TYW1: variants seen among roughly 807,000 people sequenced by gnomAD.
The protein encoded by TYW1 is S-adenosyl-L-methionine-dependent tRNA 4-demethylwyosine synthase TYW1.
In TYW1, 46 loss-of-function variants were observed where a neutral mutation model predicts 96.2. That is an observed-to-expected ratio of 0.48 (90% CI 0.38 to 0.61). The LOEUF is 0.61. Ranked by LOEUF, TYW1 falls within the 20% of genes least tolerant of loss-of-function variation. The probability of loss-of-function intolerance (pLI) is 0.00; values close to 1 mark genes in which losing one functional copy is unlikely to be tolerated. For synonymous variants in TYW1, 274 were observed against 323.0 expected, an observed-to-expected ratio of 0.85 and a Z score of 1.63; for missense variants, 684 against 909.6, an observed-to-expected ratio of 0.75 and a Z score of 3.19.
intron 8 of TYW1, among the ~76,000 whole-genome samples, chr7:67,055,598 A>C (rs1031796747): frequency 2.6e-5 from 3 of 115,872 alleles, no homozygotes; most frequent in Non-Finnish European, 6.0e-5. Context: ...GACTGTCTTA[A>C]AAAAAAAAAA....
chr7:67,159,833 C>G (rs1331368031), intron 13 of TYW1, among the ~76,000 whole-genome samples: 3 of 149,590 alleles, frequency 2.0e-5, no homozygotes, highest in African/African-American at 4.9e-5. Flanking sequence ...CAGAGTCTTG[C>G]TCTGTAGCCC....
chr7:67,044,942 T>A (rs1451067104), intron 7 of TYW1, among the ~76,000 whole-genome samples: 2 of 152,200 alleles, frequency 1.3e-5, no homozygotes, highest in South Asian at 2.1e-4. Context: ...TCTATAGGAA[T>A]TGATAAGAAA....
intron 15 of TYW1, among the ~76,000 whole-genome samples, chr7:67,236,301 C>T (rs1801888849): frequency 6.6e-6 from 1 of 152,220 alleles, no homozygotes; most frequent in African/African-American, 2.4e-5. Context: ...GCTGTCGGCA[C>T]AGTCTCAGGC....
At chr7:67,220,200 G>GTTT (rs1563077173) in intron 15 of TYW1, among the ~76,000 whole-genome samples, 2 of 84,730 alleles carry the variant, frequency 2.4e-5, no homozygotes, top group Non-Finnish European at 4.9e-5. Context: ...TTCATTTATT[G>GTTT]ATTTTTTTTT....
chr7:67,143,233 G>T (rs1031364468), intron 13 of TYW1, among the ~76,000 whole-genome samples: 3 of 152,072 alleles, frequency 2.0e-5, no homozygotes, highest in Non-Finnish European at 4.4e-5. Context: ...GTTACAACTG[G>T]GATGTGGTCT....
chr7:67,032,619 C>T (rs1297551527), intron 7 of TYW1, among the ~76,000 whole-genome samples: 1 of 151,890 alleles, frequency 6.6e-6, no homozygotes, highest in Non-Finnish European at 1.5e-5. Flanking sequence ...TAGACCCTGT[C>T]TCAAAGAAAA....
At chr7:67,095,241 C>G (rs1254459698) in intron 11 of TYW1, among the ~76,000 whole-genome samples, 1 of 152,028 alleles carries the variant, frequency 6.6e-6, no homozygotes, top group African/African-American at 2.4e-5. Flanking sequence ...TCAACTGATG[C>G]ACCCATCTCG....
At chr7:67,099,387 T>C (rs567690752) in intron 12 of TYW1, among the ~76,000 whole-genome samples, 102 of 152,276 alleles carry the variant, frequency 6.7e-4, no homozygotes, top group African/African-American at 2.2e-3. Context: ...AACTATATTG[T>C]TGTTAATAAG....
chr7:67,055,915 T>C (rs1327505660), intron 9 of TYW1, 28 bp downstream of exon 9: 1 of 1,583,596 alleles, frequency 6.3e-7, no homozygotes, highest in Non-Finnish European at 8.7e-7. Context: ...ATTCAATATG[T>C]CTATTACATG....
intron 12 of TYW1, among the ~76,000 whole-genome samples, chr7:67,107,940 G>A (rs1797291423): frequency 6.7e-6 from 1 of 149,120 alleles, no homozygotes; most frequent in South Asian, 2.1e-4. Context: ...GCAGTGGTGC[G>A]ATCTGGGCTC....
At chr7:67,061,262 C>G (rs1795685724) in intron 9 of TYW1, among the ~76,000 whole-genome samples, 1 of 152,026 alleles carries the variant, frequency 6.6e-6, no homozygotes, top group Non-Finnish European at 1.5e-5. Context: ...GCTAATAAAG[C>G]TTTTTAAGCC....
At chr7:67,107,925 G>A (rs1797291071) in intron 12 of TYW1, among the ~76,000 whole-genome samples, 1 of 147,826 alleles carries the variant, frequency 6.8e-6, no homozygotes. Flanking sequence ...CTCCTATGCT[G>A]GAGTGCAGTG....
At chr7:67,146,444 G>T (rs1312803684) in intron 13 of TYW1, among the ~76,000 whole-genome samples, 1 of 147,672 alleles carries the variant, frequency 6.8e-6, no homozygotes, top group Non-Finnish European at 1.5e-5. Flanking sequence ...GGCAGATAAG[G>T]CCCCTATTTT....
intron 13 of TYW1, among the ~76,000 whole-genome samples, chr7:67,167,730 CT>C (rs1191661393): frequency 7.3e-5 from 11 of 151,208 alleles, no homozygotes; most frequent in African/African-American, 2.4e-4. Context: ...ATGTTTGGGT[CT>C]GTTTTTATTT....
At chr7:67,122,251 GC>G (rs1797782153) in intron 13 of TYW1, among the ~76,000 whole-genome samples, 1 of 152,028 alleles carries the variant, frequency 6.6e-6, no homozygotes, top group Non-Finnish European at 1.5e-5. Context: ...ATGACCATTG[GC>G]CCTCTCTCTA....
intron 13 of TYW1, among the ~76,000 whole-genome samples, chr7:67,179,865 A>T (rs117040168): frequency 0.28 from 24,207 of 87,318 alleles, 5,336 homozygotes; most frequent in East Asian, 0.44. Context: ...ATATATATAT[A>T]TTTTTTTTTT....
intron 13 of TYW1, among the ~76,000 whole-genome samples, chr7:67,135,550 G>A (rs1039276469): frequency 6.6e-6 from 1 of 150,706 alleles, no homozygotes; most frequent in African/African-American, 2.4e-5. Context: ...GCAATCCACC[G>A]CCTCGGCCTC....
At chr7:67,221,848 A>C (rs961407692) in intron 15 of TYW1, among the ~76,000 whole-genome samples, 1 of 146,774 alleles carries the variant, frequency 6.8e-6, no homozygotes, top group Non-Finnish European at 1.5e-5. Flanking sequence ...CCAAAACATA[A>C]ACTAATACTT....
At chr7:67,235,907 A>G (rs1327450249) in intron 15 of TYW1, among the ~76,000 whole-genome samples, 23 of 136,518 alleles carry the variant, frequency 1.7e-4, no homozygotes, top group African/African-American at 5.8e-4. Context: ...AAAAAAAAAA[A>G]AAAGAAAAAG....
Sources: allele counts gnomAD v4.1 joint callset (sites outside exome capture counted in the v4.1 genomes callset), GRCh38; gene constraint gnomAD v4.1.1; transcripts MANE v1.5; gene names NCBI Gene and HGNC (gene_info 2026-07-23, HGNC 2026-07-21).